FANCC: variants seen among roughly 807,000 people sequenced by gnomAD.
FANCC encodes Fanconi anemia group C protein.
FANCC carries 55 observed loss-of-function variants against 71.3 expected under a neutral mutation model. The ratio of observed to expected loss-of-function variants is 0.77; its 90% CI spans 0.62 to 0.97. The LOEUF (loss-of-function observed/expected upper bound fraction) is 0.97. FANCC is among the 50% of genes least tolerant of loss of function. The pLI, the probability that FANCC is intolerant of heterozygous loss-of-function variation, is 0.00. For missense variants in FANCC, 678 were observed against 670.9 expected (o/e 1.01, Z -0.12); for synonymous variants, 275 against 244.9 (o/e 1.12, Z -1.15).
At chr9:95,300,906 A>G (rs1430219315) in intron 1 of FANCC, among the ~76,000 whole-genome samples, 3 of 152,164 alleles carry the variant, frequency 2.0e-5, no homozygotes, top group Admixed American at 6.5e-5. Context: ...GCTGCACAAA[A>G]TAAGTCTGGT....
rs4647380 is a variant in FANCC, at chr9:95,296,571, G to A, written c.-79+20955C>T. On this transcript the variant is annotated intron_variant, in intron 1 of 14. Transcript: ENST00000289081. ...AGGGTTTCAGTAAAGCATAAATGAG[G>A]AAATTACATATATCTAATGGATTAG... Among the ~76,000 whole-genome samples, 14 of 152,038 alleles carry A rather than the reference G, an allele frequency of 9.2e-5. No homozygotes were observed. The East Asian group carries it at 9.7e-4, about 10-fold the overall frequency.
At chr9:95,121,286 G>C (rs1368147736) in intron 10 of FANCC, among the ~76,000 whole-genome samples, 1 of 152,118 alleles carries the variant, frequency 6.6e-6, no homozygotes, top group East Asian at 1.9e-4. Context: ...CTGTCTGATA[G>C]GGCATATTGA....
At chr9:95,244,775 G>A (rs1830858736) in intron 3 of FANCC, among the ~76,000 whole-genome samples, 1 of 149,048 alleles carries the variant, frequency 6.7e-6, no homozygotes, top group Admixed American at 6.7e-5. Flanking sequence ...TGGCTAGTGG[G>A]AATGCCAAGA....
intron 14 of FANCC, among the ~76,000 whole-genome samples, chr9:95,102,070 C>A (rs541160242): frequency 6.6e-6 from 1 of 152,194 alleles, no homozygotes; most frequent in Non-Finnish European, 1.5e-5. Context: ...CATTTCCTAA[C>A]GAGCCTCCTC....
At chr9:95,121,347 G>A (rs2072864559) in intron 10 of FANCC, among the ~76,000 whole-genome samples, 1 of 152,200 alleles carries the variant, frequency 6.6e-6, no homozygotes, top group Non-Finnish European at 1.5e-5. Context: ...GAAAGGGTAA[G>A]AAGAGACAGA....
At chr9:95,174,543 T>TATA in intron 4 of FANCC, among the ~76,000 whole-genome samples, 1 of 151,150 alleles carries the variant, frequency 6.6e-6, no homozygotes, top group Non-Finnish European at 1.5e-5. Context: ...ATATATATAT[T>TATA]TTTTTTCTTC....
chr9:95,238,377 T>C (rs1830439734), intron 4 of FANCC, among the ~76,000 whole-genome samples: 1 of 152,180 alleles, frequency 6.6e-6, no homozygotes, highest in Admixed American at 6.5e-5. Context: ...TTCTGGGTAT[T>C]TGCCTTATTA....
At chr9:95,251,495 T>C (rs1185143658) in intron 1 of FANCC, among the ~76,000 whole-genome samples, 1 of 152,058 alleles carries the variant, frequency 6.6e-6, no homozygotes, top group Non-Finnish European at 1.5e-5. Context: ...TTTGTATTTT[T>C]AGTAGAGACG....
At chr9:95,259,768 G>C (rs1479383001) in intron 1 of FANCC, among the ~76,000 whole-genome samples, 2 of 152,046 alleles carry the variant, frequency 1.3e-5, no homozygotes, top group Admixed American at 6.5e-5. Context: ...CTACAGAATG[G>C]GAGAAAATTT....
At chr9:95,227,833 C>A (rs1313846067) in intron 4 of FANCC, among the ~76,000 whole-genome samples, 1 of 152,174 alleles carries the variant, frequency 6.6e-6, no homozygotes, top group Admixed American at 6.5e-5. Flanking sequence ...GCAAGAAGAA[C>A]GTTTCTAGCT....
At chr9:95,263,051 T>C (rs1349133055) in intron 1 of FANCC, among the ~76,000 whole-genome samples, 2 of 152,220 alleles carry the variant, frequency 1.3e-5, no homozygotes, top group African/African-American at 2.4e-5. Context: ...ATGTAATCAA[T>C]GCCACTGAAT....
chr9:95,243,029 G>A (rs1456683112), intron 3 of FANCC, among the ~76,000 whole-genome samples: 1 of 152,214 alleles, frequency 6.6e-6, no homozygotes, highest in Non-Finnish European at 1.5e-5. Flanking sequence ...TTGCCATCTT[G>A]TATTTTATTT....
At chr9:95,115,245 A>G (rs1288579074) in intron 11 of FANCC, among the ~76,000 whole-genome samples, 1 of 152,238 alleles carries the variant, frequency 6.6e-6, no homozygotes, top group Non-Finnish European at 1.5e-5. Flanking sequence ...CTTGCCCTCA[A>G]GTAATTTTAA....
intron 4 of FANCC, among the ~76,000 whole-genome samples, chr9:95,229,781 AC>A (rs1223645035): frequency 1.3e-5 from 2 of 149,832 alleles, no homozygotes; most frequent in East Asian, 4.6e-4. Flanking sequence ...ACACACACAC[AC>A]ACACACACAC....
intron 4 of FANCC, among the ~76,000 whole-genome samples, chr9:95,225,070 G>A (rs1483449530): frequency 6.6e-6 from 1 of 152,092 alleles, no homozygotes; most frequent in African/African-American, 2.4e-5. Flanking sequence ...ATAATCTCTA[G>A]GTCAAAAAGA....
intron 7 of FANCC, among the ~76,000 whole-genome samples, chr9:95,144,904 C>T (rs1446476711): frequency 1.3e-5 from 2 of 152,152 alleles, no homozygotes; most frequent in African/African-American, 2.4e-5. Flanking sequence ...AAGGACCAAA[C>T]ATAACGCTCG....
At chr9:95,314,511 G>T (rs1339548555) in intron 1 of FANCC, among the ~76,000 whole-genome samples, 1 of 152,028 alleles carries the variant, frequency 6.6e-6, no homozygotes, top group African/African-American at 2.4e-5. Context: ...AATTAGCCGG[G>T]CGTGGTGAAG....
intron 6 of FANCC, among the ~76,000 whole-genome samples, chr9:95,159,087 G>T (rs760531994): frequency 6.6e-6 from 1 of 151,852 alleles, no homozygotes; most frequent in African/African-American, 2.4e-5. Context: ...CAACGTGCAG[G>T]TTTGTTACAT....
intron 1 of FANCC, among the ~76,000 whole-genome samples, chr9:95,275,116 A>G (rs1832961287): frequency 6.6e-6 from 1 of 151,440 alleles, no homozygotes; most frequent in Non-Finnish European, 1.5e-5. Context: ...TACAAAAAAA[A>G]AAAAAAAAGA....
Sources: gnomAD v4.1 joint callset for allele counts (sites outside exome capture counted in the v4.1 genomes callset) on GRCh38, gnomAD v4.1.1 for gene constraint, MANE v1.5 for transcripts, NCBI Gene and HGNC (gene_info 2026-07-23, HGNC 2026-07-21) for gene names.